The following GRID1 variants were observed in gnomAD, a reference collection of about 807,000 sequenced individuals.
GRID1 encodes the protein glutamate receptor ionotropic, delta-1.
In GRID1, 28 loss-of-function variants were observed where a neutral mutation model predicts 98.0. That is an observed-to-expected ratio of 0.29 (90% CI 0.21 to 0.39). GRID1 has a LOEUF of 0.39. GRID1 is among the 10% of genes least tolerant of loss of function. The pLI, the probability that GRID1 is intolerant of heterozygous loss-of-function variation, is 1.00. For missense variants in GRID1, 1,111 were observed against 1,340.5 expected, an observed-to-expected ratio of 0.83 and a Z score of 2.67; for synonymous variants, 553 against 538.5, an observed-to-expected ratio of 1.03 and a Z score of -0.37.
intron 15 of GRID1, among the ~76,000 whole-genome samples, chr10:85,612,654 C>A (rs1429424928): frequency 6.6e-6 from 1 of 151,774 alleles, no homozygotes; most frequent in African/African-American, 2.4e-5. Flanking sequence ...GCTGGCAAAG[C>A]ATCACCACCA....
intron 2 of GRID1, chr10:86,264,863 G>C: frequency 9.3e-6 from 4 of 430,282 alleles, no homozygotes; most frequent in South Asian, 7.0e-5. Context: ...CCAACCTGCA[G>C]CCAAATTCAC....
At chr10:86,143,908 C>A (rs1205257609) in intron 3 of GRID1, among the ~76,000 whole-genome samples, 1 of 152,152 alleles carries the variant, frequency 6.6e-6, no homozygotes, top group Admixed American at 6.5e-5. Flanking sequence ...GCCTTGACAT[C>A]GCCTCTCTGC....
intron 10 of GRID1, among the ~76,000 whole-genome samples, chr10:85,726,493 T>A (rs1754395758): frequency 6.6e-6 from 1 of 151,882 alleles, no homozygotes. Context: ...GATAATAGAA[T>A]CCATTCAGGC....
At chr10:86,030,724 A>C (rs183834285) in intron 4 of GRID1, among the ~76,000 whole-genome samples, 23 of 152,356 alleles carry the variant, frequency 1.5e-4, no homozygotes, top group African/African-American at 5.5e-4. Context: ...ATTTAGGCAG[A>C]TAGTAAGGGT....
chr10:85,876,035 A>T (rs565883286), intron 5 of GRID1, among the ~76,000 whole-genome samples: 44 of 152,236 alleles, frequency 2.9e-4, no homozygotes, highest in Non-Finnish European at 5.0e-4. Context: ...CTTGAAAGAT[A>T]TAATTCTAAG....
intron 2 of GRID1, among the ~76,000 whole-genome samples, chr10:86,361,334 CA>C (rs146149099): frequency 0.016 from 2,393 of 152,312 alleles, 67 homozygotes; most frequent in African/African-American, 0.052. Flanking sequence ...TTCAGTCCAC[CA>C]GACTCATAAA....
chr10:86,154,826 G>A (rs1237024575), intron 3 of GRID1, among the ~76,000 whole-genome samples: 1 of 152,156 alleles, frequency 6.6e-6, no homozygotes, highest in Non-Finnish European at 1.5e-5. Context: ...TCTGCTCGCT[G>A]CCACCTCTCC....
chr10:86,063,892 G>T (rs2071384287), intron 4 of GRID1, among the ~76,000 whole-genome samples: 1 of 152,100 alleles, frequency 6.6e-6, no homozygotes, highest in African/African-American at 2.4e-5. Flanking sequence ...CTACTGTCAG[G>T]CCTAAGTATA....
intron 2 of GRID1, among the ~76,000 whole-genome samples, chr10:86,333,340 G>T (rs1319630523): frequency 6.6e-6 from 1 of 152,208 alleles, no homozygotes; most frequent in Non-Finnish European, 1.5e-5. Context: ...AGTCTATGCT[G>T]CTTCTAGGAT....
At chr10:86,262,416 G>A (rs1425021133) in intron 2 of GRID1, among the ~76,000 whole-genome samples, 2 of 152,192 alleles carry the variant, frequency 1.3e-5, no homozygotes, top group Non-Finnish European at 2.9e-5. Flanking sequence ...AAGAGCTTGC[G>A]TCCTTCAGTT....
chr10:85,651,292 T>C (rs1458009145), intron 12 of GRID1, among the ~76,000 whole-genome samples: 1 of 152,224 alleles, frequency 6.6e-6, no homozygotes, highest in Non-Finnish European at 1.5e-5. Context: ...GTTGGAACAC[T>C]GTGCTCATGT....
chr10:86,001,035 C>T (rs776386316), intron 4 of GRID1, among the ~76,000 whole-genome samples: 18 of 152,158 alleles, frequency 1.2e-4, no homozygotes, highest in Non-Finnish European at 7.3e-5. Context: ...ACTACTGATA[C>T]ACATATCAAT....
At chr10:86,171,565 A>G (rs556462981) in intron 3 of GRID1, among the ~76,000 whole-genome samples, 1 of 152,334 alleles carries the variant, frequency 6.6e-6, no homozygotes, top group African/African-American at 2.4e-5. Context: ...CATAAGTCCC[A>G]TGGGAAAAGA....
chr10:85,718,835 G>A (rs559383164), intron 12 of GRID1, among the ~76,000 whole-genome samples: 149 of 152,334 alleles, frequency 9.8e-4, no homozygotes, highest in African/African-American at 3.4e-3. Flanking sequence ...TAGGCTCCTT[G>A]CTACTTGTGC....
At chr10:86,176,158 G>C (rs755094435) in intron 3 of GRID1, among the ~76,000 whole-genome samples, 2 of 152,244 alleles carry the variant, frequency 1.3e-5, no homozygotes, top group Admixed American at 6.5e-5. Context: ...CAGCTGTTGG[G>C]CTGAGTTCTG....
intron 2 of GRID1, among the ~76,000 whole-genome samples, chr10:86,229,085 A>G (rs1253541546): frequency 6.6e-6 from 1 of 151,974 alleles, no homozygotes; most frequent in Non-Finnish European, 1.5e-5. Flanking sequence ...TAGCTGGGGG[A>G]GGGTCCCCAC....
chr10:86,214,272 C>T (rs17106434), intron 2 of GRID1, among the ~76,000 whole-genome samples: 6,091 of 152,216 alleles, frequency 0.04, 233 homozygotes, highest in African/African-American at 0.089. Flanking sequence ...GTAACTCAAG[C>T]GTCCCAAGCT....
chr10:86,228,271 T>TGGGGAGAGGATGGTGC (rs1846390032), intron 2 of GRID1, among the ~76,000 whole-genome samples: 1 of 95,346 alleles, frequency 1.0e-5, no homozygotes, highest in Non-Finnish European at 2.0e-5. Flanking sequence ...GAGGATGGTG[T>TGGGGAGAGGATGGTGC]GGTGAGGAGT....
chr10:85,738,031 A>G lies in GRID1; in HGVS notation c.1234-8417T>C, dbSNP rs201815064. Among the ~76,000 whole-genome samples, 29 of 152,180 alleles carry G rather than the reference A, an allele frequency of 1.9e-4. No homozygotes were observed. In the East Asian group the frequency reaches 5.0e-3, roughly 26 times the overall value. On this transcript the variant is annotated intron_variant, in intron 8 of 15. Transcript: ENST00000327946. ...AGGACAGTCAGGATCCCCGGGCCCT[A>G]GACTCAAGGGAGGCCACATCTACTC...
Sources: allele counts gnomAD v4.1 joint callset (sites outside exome capture counted in the v4.1 genomes callset), GRCh38; gene constraint gnomAD v4.1.1; transcripts MANE v1.5; gene names NCBI Gene and HGNC (gene_info 2026-07-23, HGNC 2026-07-21).